The following APBA2 variants were observed in gnomAD, a reference collection of about 807,000 sequenced individuals.
The protein encoded by APBA2 is amyloid-beta A4 precursor protein-binding family A member 2.
In APBA2, 30 loss-of-function variants were observed where a neutral mutation model predicts 75.0. The ratio of observed to expected loss-of-function variants is 0.40; its 90% CI spans 0.30 to 0.54. The LOEUF is 0.54. APBA2 is among the 20% of genes least tolerant of loss of function. APBA2 has a pLI of 0.49. For missense variants in APBA2, 801 were observed against 1,016.1 expected, an observed-to-expected ratio of 0.79 and a Z score of 2.88; for synonymous variants, 444 against 409.6, an observed-to-expected ratio of 1.08 and a Z score of -1.01.
At chr15:29,041,478 G>C (rs1271151651) in intron 3 of APBA2, among the ~76,000 whole-genome samples, 4 of 137,368 alleles carry the variant, frequency 2.9e-5, no homozygotes, top group African/African-American at 1.1e-4. Context: ...GCAAGACCCT[G>C]TCTCAGAAAA....
chr15:29,111,657 G>C (rs747249562), intron 13 of APBA2, among the ~76,000 whole-genome samples: 14 of 152,008 alleles, frequency 9.2e-5, no homozygotes, highest in Admixed American at 1.3e-4. Context: ...GAGTGCCCGT[G>C]GTCATGGTGG....
At chr15:29,036,419 A>G (rs377366590) in intron 3 of APBA2, among the ~76,000 whole-genome samples, 1 of 152,214 alleles carries the variant, frequency 6.6e-6, no homozygotes, top group East Asian at 1.9e-4. Context: ...GAGCCTCACT[A>G]GTAGCCACAG....
At chr15:28,940,477 C>T (rs1378260791) in intron 2 of APBA2, among the ~76,000 whole-genome samples, 23 of 145,014 alleles carry the variant, frequency 1.6e-4, no homozygotes, top group Non-Finnish European at 2.8e-4. Context: ...CGGGTGAACC[C>T]GGGAGGTGGA....
In APBA2 at chr15:29,054,180, A is replaced by C. The variant is rs558299382; in HGVS notation, c.296A>C (p.Tyr99Ser). 6.2e-7 allele frequency: 1 copy of C among 1,614,166 alleles called. No homozygotes were observed. Among genetic ancestry groups the C allele is most frequent in the Non-Finnish European group, 8.5e-7 (1 of 1,180,014 alleles). ...CCTGAGGAGGAGGAGGGCATCACCT[A>C]CTACATCCGCTACTGCCCTGAGGAC... ...GLPEEEEGIT[Y>S]YIRYCPEDDS... Residue 99 changes from tyrosine to serine, a missense_variant, in exon 4 of 15, where the codon TAC becomes TCC. Transcript: ENST00000683413. The surrounding 1 kb of genome is among the most constrained non-coding windows in gnomAD (Gnocchi z 6.1).
intron 2 of APBA2, chr15:28,977,004 T>C (rs925272426): frequency 6.6e-6 from 1 of 152,246 alleles, no homozygotes; most frequent in African/African-American, 2.4e-5. Flanking sequence ...ATTTAAAGTC[T>C]ATTCACAATG....
chr15:29,116,175 C>T (rs926958009), intron 14 of APBA2, among the ~76,000 whole-genome samples: 4 of 152,156 alleles, frequency 2.6e-5, no homozygotes, highest in African/African-American at 4.8e-5. Context: ...TGAGGCCTTG[C>T]TTGTATACCC....
chr15:29,094,392 G>C, intron 8 of APBA2, 79 bp downstream of exon 8: 1 of 1,306,118 alleles, frequency 7.7e-7, no homozygotes, highest in Non-Finnish European at 1.1e-6. Flanking sequence ...GGGGGCTGGG[G>C]GGTTCCCCTG....
At chr15:29,099,291 C>A (rs1200760255) in intron 9 of APBA2, among the ~76,000 whole-genome samples, 1 of 152,200 alleles carries the variant, frequency 6.6e-6, no homozygotes, top group Non-Finnish European at 1.5e-5. Flanking sequence ...GTTTGGAGGA[C>A]TGACAGGACT....
At chr15:28,905,793 C>A (rs1351398111) in intron 1 of APBA2, among the ~76,000 whole-genome samples, 5 of 152,106 alleles carry the variant, frequency 3.3e-5, no homozygotes, top group Non-Finnish European at 7.4e-5. Flanking sequence ...CTGAGAAGGA[C>A]CCTGGCTCCA....
intron 4 of APBA2, among the ~76,000 whole-genome samples, chr15:29,064,880 G>T (rs1157815291): frequency 6.6e-6 from 1 of 152,150 alleles, no homozygotes; most frequent in Non-Finnish European, 1.5e-5. Flanking sequence ...TGTTGGCGGG[G>T]TCCCCTGAGC....
chr15:29,042,106 G>A lies in APBA2; in HGVS notation c.-40-11739G>A, dbSNP rs181190425. Among the ~76,000 whole-genome samples the A allele has an allele frequency of 1.8e-3, 267 of 152,260 alleles. 1 individual carries two copies. The highest frequency in any genetic ancestry group is 6.1e-3 in the African/African-American group (252 of 41,550). On this transcript the variant is annotated intron_variant, in intron 3 of 14. Coordinates refer to ENST00000683413, the MANE Select transcript of APBA2 (RefSeq NM_001353788.2). ...CGTCTCCGTTTGCTTGTGGTGGTTTGCTGGCGATCTTTGATGTTCCCTAGT... is the reference window on the plus strand; with the variant it reads ...CGTCTCCGTTTGCTTGTGGTGGTTTACTGGCGATCTTTGATGTTCCCTAGT...
At chr15:28,910,081 C>T (rs1240578960) in intron 1 of APBA2, among the ~76,000 whole-genome samples, 2 of 152,230 alleles carry the variant, frequency 1.3e-5, no homozygotes, top group South Asian at 2.1e-4. Context: ...AAACAGCCAC[C>T]GGTAGAATTA....
chr15:29,067,855 G>T (rs1358627398), intron 4 of APBA2, among the ~76,000 whole-genome samples: 2 of 152,116 alleles, frequency 1.3e-5, no homozygotes, highest in Non-Finnish European at 2.9e-5. Context: ...TGTAGCCTTA[G>T]GCAGTTCCAT....
intron 12 of APBA2, 118 bp from the exon 13 acceptor site, chr15:29,108,152 C>A: frequency 1.4e-6 from 2 of 1,462,526 alleles, no homozygotes; most frequent in South Asian, 1.1e-5. Flanking sequence ...GACTGCCTGC[C>A]TCTCCCATTG....
intron 1 of APBA2, among the ~76,000 whole-genome samples, chr15:28,887,813 G>A (rs1293569161): frequency 6.6e-6 from 1 of 152,206 alleles, no homozygotes; most frequent in Non-Finnish European, 1.5e-5. Context: ...GGGGGCCCTT[G>A]GAGTGGGCTC....
Position 29,030,747 on chromosome 15 carries a change from G to T in APBA2, c.-40-23098G>T, listed in dbSNP as rs973743044. 1.3e-4 allele frequency among the ~76,000 whole-genome samples: 19 copies of T among 151,748 alleles called. 1 individual carries two copies. The highest frequency in any genetic ancestry group is 3.9e-4 in the East Asian group (2 of 5,148). ...TGTGAGTATGTGTGTGTGTGTGTGTGTGTGTGTGTGTGTGTGTAAAACCTC... is the reference window on the plus strand; with the variant it reads ...TGTGAGTATGTGTGTGTGTGTGTGTTTGTGTGTGTGTGTGTGTAAAACCTC... On this transcript the variant is annotated intron_variant, in intron 3 of 14. Coordinates refer to ENST00000683413, the MANE Select transcript of APBA2 (RefSeq NM_001353788.2).
At chr15:28,955,660 A>G (rs545694036) in intron 2 of APBA2, among the ~76,000 whole-genome samples, 5 of 152,382 alleles carry the variant, frequency 3.3e-5, no homozygotes, top group Admixed American at 2.6e-4. Flanking sequence ...ATTTAACTGT[A>G]GAGAACAATG....
At chr15:29,061,803 A>G (rs1011484565) in intron 4 of APBA2, among the ~76,000 whole-genome samples, 1 of 152,218 alleles carries the variant, frequency 6.6e-6, no homozygotes, top group Non-Finnish European at 1.5e-5. Flanking sequence ...GTTCTGAGCC[A>G]CGGCCTCACA....
At chr15:28,969,184 T>TTTCTTTCTTTCTTTC (rs2036928234) in intron 2 of APBA2, among the ~76,000 whole-genome samples, 1 of 76,260 alleles carries the variant, frequency 1.3e-5, no homozygotes, top group Non-Finnish European at 3.6e-5. Context: ...TTCTTTCTTT[T>TTTCTTTCTTTCTTTC]TTTTATTTTT....
Sources: allele counts gnomAD v4.1 joint callset (sites outside exome capture counted in the v4.1 genomes callset), GRCh38; gene constraint gnomAD v4.1.1; non-coding constraint Gnocchi (gnomAD v3.1); transcripts MANE v1.5; gene names NCBI Gene and HGNC (gene_info 2026-07-23, HGNC 2026-07-21).